Variants in GRAMD4 observed in about 807,000 individuals in gnomAD.
GRAMD4 encodes GRAM domain containing 4, also known as GRAM domain-containing protein 4.
GRAMD4 carries 25 observed loss-of-function variants against 83.9 expected under a neutral mutation model. The ratio of observed to expected loss-of-function variants is 0.30; its 90% CI spans 0.22 to 0.42. The LOEUF (loss-of-function observed/expected upper bound fraction) is 0.42, where lower values mean the gene tolerates loss of function less well. Ranked by LOEUF, GRAMD4 falls within the 10% of genes least tolerant of loss-of-function variation. The probability of loss-of-function intolerance (pLI) is 1.00; values close to 1 mark genes in which losing one functional copy is unlikely to be tolerated. For missense variants in GRAMD4, 593 were observed against 788.7 expected, an observed-to-expected ratio of 0.75 and a Z score of 2.97; for synonymous variants, 336 against 320.9, an observed-to-expected ratio of 1.05 and a Z score of -0.50.
rs2082647202 is a variant in GRAMD4 at position 46,679,575 on chromosome 22, A to T, written c.*2324A>T. The T allele has an allele frequency of 3.0e-6, 3 of 984,844 alleles. No individual in the cohort carries two copies. The highest frequency in any genetic ancestry group is 2.4e-6 in the Non-Finnish European group (2 of 829,202). The allele number at this position is 984,844 out of a possible 1,614,324, so 61.0% of individuals were successfully genotyped here. A position where few individuals can be genotyped will look rare whatever the true frequency, so the allele number is the denominator to read the frequency against. ...AATCACTGAACTAGACGAATGTTAA[A>T]TTTTTTATGTCTGAAGCCTGAGTCT... On this transcript the variant is annotated 3_prime_UTR_variant, in exon 19 of 19. Transcript: ENST00000406902.
intron 4 of GRAMD4, among the ~76,000 whole-genome samples, chr22:46,658,812 C>T (rs898562897): frequency 1.3e-5 from 2 of 151,248 alleles, no homozygotes; most frequent in Non-Finnish European, 2.9e-5. Flanking sequence ...CCCCGCCCCC[C>T]TGCCCCCATC....
intron 1 of GRAMD4, among the ~76,000 whole-genome samples, chr22:46,623,729 C>T (rs1044763458): frequency 2.0e-5 from 3 of 151,412 alleles, no homozygotes; most frequent in East Asian, 3.9e-4. Flanking sequence ...AAGGTTTTCG[C>T]GTATTAGGAA....
chr22:46,586,810 TGCCCTGCAGCTGATGAGGAGGGAGCTGAG>T (rs1299857187), intron 1 of GRAMD4, among the ~76,000 whole-genome samples: 3 of 152,182 alleles, frequency 2.0e-5, no homozygotes, highest in Non-Finnish European at 2.9e-5. Flanking sequence ...TCTGTCTTCC[TGCCCTGCAGCTGATGAGGAGGGAGCTGAG>T]GCCCTGCAGC....
chr22:46,586,531 A>G (rs1169461406), intron 1 of GRAMD4, among the ~76,000 whole-genome samples: 1 of 151,554 alleles, frequency 6.6e-6, no homozygotes, highest in Non-Finnish European at 1.5e-5. Context: ...CCTTAGACAC[A>G]CTCCATAGGG....
At chr22:46,671,373 T>C (rs1294180649) in intron 13 of GRAMD4, among the ~76,000 whole-genome samples, 2 of 152,074 alleles carry the variant, frequency 1.3e-5, no homozygotes, top group Non-Finnish European at 2.9e-5. Context: ...TGAAACCCCG[T>C]CTCTACCAAA....
At chr22:46,596,226 G>C (rs1488410782) in intron 1 of GRAMD4, among the ~76,000 whole-genome samples, 1 of 152,252 alleles carries the variant, frequency 6.6e-6, no homozygotes, top group Non-Finnish European at 1.5e-5. Context: ...TAGGGACTCT[G>C]GCTGCTGGCT....
At chr22:46,655,787 G>A (rs999919427) in intron 3 of GRAMD4, among the ~76,000 whole-genome samples, 1 of 152,228 alleles carries the variant, frequency 6.6e-6, no homozygotes, top group Non-Finnish European at 1.5e-5. Flanking sequence ...GAGGCCACCT[G>A]CCTCCCTTCT....
At chr22:46,658,056 AG>A in intron 3 of GRAMD4, 130 bp from the exon 4 acceptor site, 1 of 1,079,326 alleles carries the variant, frequency 9.3e-7, no homozygotes, top group East Asian at 2.4e-5. Flanking sequence ...GAGGAAGGTC[AG>A]GTGCTCAGGT....
At chr22:46,663,405 C>T (rs1046677189) in intron 6 of GRAMD4, among the ~76,000 whole-genome samples, 1 of 152,224 alleles carries the variant, frequency 6.6e-6, no homozygotes, top group African/African-American at 2.4e-5. Flanking sequence ...TCAGCTGTGG[C>T]TTGTGACAGT....
At position 46,678,393 on chromosome 22, in the gene GRAMD4, CCCCCCCA is replaced by C. The variant is rs2082630157; in HGVS notation, c.*1143_*1149del. The C allele has an allele frequency of 1.0e-6, 1 of 975,472 alleles. No individual in the cohort carries two copies. Among genetic ancestry groups the C allele is most frequent in the Non-Finnish European group, 1.2e-6 (1 of 821,202 alleles). 60.4% of individuals were successfully genotyped at this position (975,472 alleles called of 1,614,324 possible). A position where few individuals can be genotyped will look rare whatever the true frequency, so the allele number is the denominator to read the frequency against. ...TAGCCGGTGCCGGTCCGGGCACAGA[CCCCCCCA>C]GCCCCCGCCCTGCCCCAGGGAAGCC... On this transcript the variant is annotated 3_prime_UTR_variant, in exon 19 of 19. Coordinates refer to ENST00000406902, the MANE Select transcript of GRAMD4 (RefSeq NM_015124.5).
chr22:46,648,899 CATGG>C lies in GRAMD4; in HGVS notation c.284-9256_284-9253del, dbSNP rs1188010701. On this transcript the variant is annotated intron_variant, in intron 3 of 18. Coordinates refer to ENST00000406902, the MANE Select transcript of GRAMD4 (RefSeq NM_015124.5). ...GGATGGATGGATGGATGGATGGATG[CATGG>C]ATGGATGGATGGATGGATGGATGGA... is the stretch of plus-strand genomic sequence containing the variant. Among the ~76,000 whole-genome samples the C allele has an allele frequency of 5.1e-3, 71 of 13,814 alleles. 4 individuals carry two copies. The highest frequency in any genetic ancestry group is 0.014 in the African/African-American group (53 of 3,658). 9.1% of individuals were successfully genotyped at this position (13,814 alleles called of 152,430 possible).
chr22:46,614,344 G>A (rs1393050307), intron 1 of GRAMD4, among the ~76,000 whole-genome samples: 1 of 152,234 alleles, frequency 6.6e-6, no homozygotes, highest in East Asian at 1.9e-4. Context: ...AAACTGATGA[G>A]GAAAGTGTTA....
In GRAMD4 at chr22:46,672,031, C is replaced by T. The variant is rs891633521; in HGVS notation, c.1085-812C>T. On this transcript the variant is annotated intron_variant, in intron 13 of 18. Transcript: ENST00000406902. The surrounding 1 kb of genome is among the most constrained non-coding windows in gnomAD (Gnocchi z 4.7). ...GCCTGCCACGTCTGGTCTGGTCTGG[C>T]GGGCTGTGCACTGGGGGCAGCGAGA... 3.3e-5 allele frequency among the ~76,000 whole-genome samples: 5 copies of T among 152,188 alleles called. No individual in the cohort carries two copies. Among genetic ancestry groups the T allele is most frequent in the African/African-American group, 7.2e-5 (3 of 41,450 alleles).
Position 46,626,976 on chromosome 22 carries a change from T to G in GRAMD4, c.162+15T>G, listed in dbSNP as rs2081671896. 6.3e-7 allele frequency: 1 copy of G among 1,594,986 alleles called. No individual in the cohort carries two copies. Among genetic ancestry groups the G allele is most frequent in the East Asian group, 2.2e-5 (1 of 44,752 alleles). On this transcript the variant is annotated intron_variant, in intron 2 of 18. Transcript: ENST00000406902. ...TGAGGGACCCTGTGAGTACCTGTCC[T>G]CGTCCCCCGGTGTGGGCTGGGGTGT... is the stretch of plus-strand genomic sequence containing the variant.
At chr22:46,671,655 CAAAAATAAAA>C (rs1366212324) in intron 13 of GRAMD4, among the ~76,000 whole-genome samples, 9 of 99,760 alleles carry the variant, frequency 9.0e-5, no homozygotes, top group Non-Finnish European at 1.6e-4. Flanking sequence ...GACTCCGTCT[CAAAAATAAAA>C]TAAAATAAAA....
chr22:46,656,945 C>A (rs947754863), intron 3 of GRAMD4, among the ~76,000 whole-genome samples: 3 of 152,222 alleles, frequency 2.0e-5, no homozygotes, highest in African/African-American at 7.2e-5. Flanking sequence ...GGGCCACAGC[C>A]AGCCCTCAGC....
In GRAMD4 at chr22:46,621,553, C is replaced by T. The variant is rs1379944640; in HGVS notation, c.-50+988C>T. ...CCCCGGTGCAGGCGCAGGCTGGAGG[C>T]GTAGCCCGGGCCCATCCCTGGCGGT... is the stretch of plus-strand genomic sequence containing the variant. On this transcript the variant is annotated intron_variant, in intron 1 of 18. Coordinates refer to ENST00000406902, the MANE Select transcript of GRAMD4 (RefSeq NM_015124.5). This position sits in a 1 kb window ranked among gnomAD's most constrained non-coding sequence, Gnocchi z 5.8. Among the ~76,000 whole-genome samples, 105 of 88,394 alleles carry T rather than the reference C, an allele frequency of 1.2e-3. 1 individual carries two copies. Among genetic ancestry groups the T allele is most frequent in the African/African-American group, 3.9e-3 (86 of 22,214 alleles). 58.0% of individuals were successfully genotyped at this position (88,394 alleles called of 152,430 possible).
At position 46,621,746 on chromosome 22, in the gene GRAMD4, C is replaced by T. The variant is rs1408470127; in HGVS notation, c.-50+1181C>T. ...CTGTGTCGCGGAGGGCACCCCTACC[C>T]CGGTGCAGGCGCAGGCTGGAAGTGT... On this transcript the variant is annotated intron_variant, in intron 1 of 18. Transcript: ENST00000406902. This position sits in a 1 kb window ranked among gnomAD's most constrained non-coding sequence, Gnocchi z 5.8. Among the ~76,000 whole-genome samples, 2 of 151,452 alleles carry T rather than the reference C, an allele frequency of 1.3e-5. No individual in the cohort carries two copies. The highest frequency in any genetic ancestry group is 4.9e-5 in the African/African-American group (2 of 40,794).
intron 1 of GRAMD4, among the ~76,000 whole-genome samples, chr22:46,613,854 C>CTCA (rs138500): frequency 2.0e-5 from 3 of 151,842 alleles, no homozygotes; most frequent in African/African-American, 4.8e-5. Flanking sequence ...CTCAGGAACT[C>CTCA]TTTTGCATTT....
Sources: gnomAD v4.1 joint callset for allele counts (sites outside exome capture counted in the v4.1 genomes callset) on GRCh38, gnomAD v4.1.1 for gene constraint, Gnocchi (gnomAD v3.1) non-coding constraint, MANE v1.5 for transcripts, NCBI Gene and HGNC (gene_info 2026-07-23, HGNC 2026-07-21) for gene names.